Variants in C1orf162 observed in about 807,000 individuals in gnomAD.
The protein encoded by C1orf162 is transmembrane protein C1orf162.
C1orf162 carries 10 observed loss-of-function variants against 11.4 expected under a neutral mutation model. That is an observed-to-expected ratio of 0.88 (90% CI 0.54 to 1.48). The LOEUF is 1.48. Ranked by LOEUF, C1orf162 falls within the 40% of genes most tolerant of loss-of-function variation. The pLI is 0.00. For missense variants in C1orf162, 140 were observed against 149.5 expected, an observed-to-expected ratio of 0.94 and a Z score of 0.33; for synonymous variants, 53 against 55.0, an observed-to-expected ratio of 0.96 and a Z score of 0.16.
intron 3 of C1orf162, chr1:111,477,102 TATG>T: frequency 1.6e-6 from 1 of 639,696 alleles, no homozygotes; most frequent in Non-Finnish European, 2.7e-6. Context: ...GGTGGGGAAT[TATG>T]AACATTGTGT....
intron 2 of C1orf162, 73 bp downstream of exon 2, chr1:111,476,138 G>C: frequency 7.1e-7 from 1 of 1,407,388 alleles, no homozygotes; most frequent in Non-Finnish European, 1.0e-6. Context: ...CTGAAGGGCT[G>C]TAATGGAAAG....
Position 111,477,988 on chromosome 1 carries a change from A to T in C1orf162, c.258A>T (p.Ser86=). 1 of 1,614,144 alleles carries T rather than the reference A, an allele frequency of 6.2e-7. No homozygotes were observed. The highest frequency in any genetic ancestry group is 8.5e-7 in the Non-Finnish European group (1 of 1,180,022). Residue 86 remains serine (S), a synonymous_variant, in exon 6 of 6, where the codon TCA becomes TCT. Coordinates refer to ENST00000369718, the MANE Select transcript of C1orf162 (RefSeq NM_001300834.2). ...TCCTTTTTCTCCCTCTGCAGCTTTC[A>T]TCCATCCCAGGGGAATCACTTACCT... ...DPHSDPPAKL[S]SIPGESLTYA... is the part of the protein sequence containing the mutation.
In C1orf162 at chr1:111,477,491, ATGAG is replaced by A. The variant is rs905432911; in HGVS notation, c.202+69_202+72del. 13 of 1,531,384 alleles carry A rather than the reference ATGAG, an allele frequency of 8.5e-6. No homozygotes were observed. In the African/African-American group the frequency reaches 1.6e-4, roughly 19 times the overall value. 94.9% of individuals were successfully genotyped at this position (1,531,384 alleles called of 1,614,324 possible). ...TCTGCCATTGATACTAGAATTAGCT[ATGAG>A]TGAGTAATGGGAGGAGGTAGGGGAG... On this transcript the variant is annotated intron_variant, in intron 4 of 5. Coordinates refer to ENST00000369718, the MANE Select transcript of C1orf162 (RefSeq NM_001300834.2).
intron 5 of C1orf162, 80 bp from the exon 6 acceptor site, chr1:111,477,902 CA>C (rs1189322352): frequency 1.9e-6 from 3 of 1,598,396 alleles, no homozygotes; most frequent in African/African-American, 2.7e-5. Context: ...ATTCTTTGAC[CA>C]AAGTGCTCAG....
intron 3 of C1orf162, 154 bp downstream of exon 3, chr1:111,477,021 G>C: frequency 1.2e-6 from 1 of 834,908 alleles, no homozygotes; most frequent in Non-Finnish European, 1.9e-6. Context: ...CAGGAGTATG[G>C]CTCTTAATTT....
intron 1 of C1orf162, chr1:111,475,186 A>G (rs956376207): frequency 6.6e-6 from 1 of 152,196 alleles, no homozygotes; most frequent in Non-Finnish European, 1.5e-5. Flanking sequence ...AAAAAATGTT[A>G]TAAAAAGTTT....
chr1:111,477,599 TGCC>T (rs1654037502), intron 4 of C1orf162, 124 bp from the exon 5 acceptor site: 18 of 794,390 alleles, frequency 2.3e-5, no homozygotes, highest in South Asian at 3.3e-5. Context: ...TCTTCCGCCC[TGCC>T]CCCCACCCAC....
chr1:111,477,067 C>T (rs1654016408), intron 3 of C1orf162, 200 bp downstream of exon 3: 1 of 661,848 alleles, frequency 1.5e-6, no homozygotes. Flanking sequence ...CATGGATCCC[C>T]TAAGCTTATA....
intron 3 of C1orf162, 24 bp downstream of exon 3, chr1:111,476,891 TTTCATC>T (rs1257689134): frequency 1.2e-6 from 2 of 1,607,888 alleles, no homozygotes; most frequent in Non-Finnish European, 1.7e-6. Context: ...CTCCTATCTG[TTTCATC>T]TTGTACCACG....
chr1:111,474,638 T>C (rs1019192116), intron 1 of C1orf162: 1 of 152,194 alleles, frequency 6.6e-6, no homozygotes, highest in African/African-American at 2.4e-5. Flanking sequence ...GAGCAAAAAG[T>C]GTGAGAAAAA....
chr1:111,476,494 G>A (rs779371578), intron 2 of C1orf162, among the ~76,000 whole-genome samples: 7 of 152,134 alleles, frequency 4.6e-5, no homozygotes, highest in Non-Finnish European at 8.8e-5. Context: ...TAGGCCAGAG[G>A]GAGCATATCT....
At position 111,478,126 on chromosome 1, in the gene C1orf162, C is replaced by T. The variant is rs745587222; in HGVS notation, c.*3C>T. ...CTCAAATTAAAGTAACAAACTAACT[C>T]AGCTTTTCCAATGAGGCTTGAATCC... is the stretch of plus-strand genomic sequence containing the variant. On this transcript the variant is annotated 3_prime_UTR_variant, in exon 6 of 6. Transcript: ENST00000369718. 10 of 1,614,136 alleles carry T rather than the reference C, an allele frequency of 6.2e-6. No individual in the cohort carries two copies. The highest frequency in any genetic ancestry group is 1.6e-4 in the Middle Eastern group (1 of 6,062).
intron 1 of C1orf162, 35 bp from the exon 2 acceptor site, chr1:111,475,983 C>T: frequency 6.3e-7 from 1 of 1,591,040 alleles, no homozygotes; most frequent in South Asian, 1.1e-5. Context: ...CTCTCCCTTC[C>T]AAGCTTTCTA....
At chr1:111,475,922 G>A in intron 1 of C1orf162, 96 bp from the exon 2 acceptor site, 4 of 938,398 alleles carry the variant, frequency 4.3e-6, no homozygotes, top group Non-Finnish European at 5.1e-6. Context: ...GCCTCTCATT[G>A]TTACTACTCT....
rs965875811 is a variant in C1orf162, at chr1:111,477,757, C to T, written c.234C>T (p.His78=). Reference sequence around the variant, plus strand: ...CCAAGCCCCAGGCCCCAGATCCTCACTCAGATCCTCCAGCCAAGGTAAGAT... The same window carrying T: ...CCAAGCCCCAGGCCCCAGATCCTCATTCAGATCCTCCAGCCAAGGTAAGAT... ...YHSKPQAPDP[H]SDPPAKLSSI... The change falls in exon 5 of 6, where the codon CAC becomes CAT. Residue 78 remains histidine, a synonymous_variant. Transcript: ENST00000369718. The T allele has an allele frequency of 8.1e-6, 13 of 1,614,028 alleles. No individual in the cohort carries two copies. In the South Asian group the frequency reaches 9.9e-5, roughly 12 times the overall value.
chr1:111,477,128 G>A (rs1198302027), intron 3 of C1orf162: 2 of 637,104 alleles, frequency 3.1e-6, no homozygotes, highest in South Asian at 3.9e-5. Context: ...GTTGAGGGAG[G>A]GGGAGAGGAA....
intron 1 of C1orf162, chr1:111,474,512 C>CTAG (rs1276409704): frequency 6.6e-6 from 1 of 152,122 alleles, no homozygotes; most frequent in African/African-American, 2.4e-5. Context: ...GTGGCAAAGC[C>CTAG]TAGTGTAAGC....
rs1253824042 is a variant in C1orf162, at chr1:111,478,190, T to A, written c.*67T>A. On this transcript the variant is annotated 3_prime_UTR_variant, in exon 6 of 6. Transcript: ENST00000369718. ...TCAGCCCTATCTTCACACATCACTTTCACTTTTTTACAAATTTTGGACCAC... is the reference window on the plus strand; with the variant it reads ...TCAGCCCTATCTTCACACATCACTTACACTTTTTTACAAATTTTGGACCAC... 6.3e-7 allele frequency: 1 copy of A among 1,591,452 alleles called. No homozygotes were observed. The highest frequency in any genetic ancestry group is 1.3e-5 in the African/African-American group (1 of 74,428).
At position 111,478,293 on chromosome 1, in the gene C1orf162, C is replaced by T; in HGVS notation, c.*170C>T. On this transcript the variant is annotated 3_prime_UTR_variant, in exon 6 of 6. Coordinates refer to ENST00000369718, the MANE Select transcript of C1orf162 (RefSeq NM_001300834.2). Reference sequence around the variant, plus strand: ...TCCAGCATCTTTGGAGACCAATGGTCAGTCTTTTCCTGGCCAGAGGAAAGA... The same window carrying T: ...TCCAGCATCTTTGGAGACCAATGGTTAGTCTTTTCCTGGCCAGAGGAAAGA... 1.3e-6 allele frequency: 1 copy of T among 759,356 alleles called. No individual in the cohort carries two copies. The highest frequency in any genetic ancestry group is 2.1e-6 in the Non-Finnish European group (1 of 473,706). The allele number at this position is 759,356 out of a possible 1,614,324, so 47.0% of individuals were successfully genotyped here.
Sources: allele counts gnomAD v4.1 joint callset (sites outside exome capture counted in the v4.1 genomes callset), GRCh38; gene constraint gnomAD v4.1.1; transcripts MANE v1.5; gene names NCBI Gene and HGNC (gene_info 2026-07-23, HGNC 2026-07-21).